CYP4F3: variants seen among roughly 807,000 people sequenced by gnomAD.
The protein encoded by CYP4F3 is cytochrome P450 4F3.
In CYP4F3, 50 loss-of-function variants were observed where a neutral mutation model predicts 54.8. That is an observed-to-expected ratio of 0.91 (90% CI 0.73 to 1.16). CYP4F3 has a LOEUF of 1.16. Among genes scored for constraint, CYP4F3 ranks in the 50% most tolerant of loss-of-function variants. The pLI is 0.00. For missense variants in CYP4F3, 715 were observed against 676.2 expected, an observed-to-expected ratio of 1.06 and a Z score of -0.64; for synonymous variants, 244 against 262.6, an observed-to-expected ratio of 0.93 and a Z score of 0.69.
At chr19:15,658,469 A>T (rs1381009114) in intron 10 of CYP4F3, 22 bp from the exon 11 acceptor site, 1 of 1,613,930 alleles carries the variant, frequency 6.2e-7, no homozygotes, top group East Asian at 2.2e-5. Context: ...CATTGTCCTG[A>T]CTGCCCCCTT....
At position 15,658,564 on chromosome 19, in the gene CYP4F3, C is replaced by T. The variant is rs1973096381; in HGVS notation, c.1314+9C>T. Reference sequence around the variant, plus strand: ...TGTGGCCGGACCCTGAGGTGCGGGCCCCCCGTCTCTGTTTTTGTCCATTCC... The same window carrying T: ...TGTGGCCGGACCCTGAGGTGCGGGCTCCCCGTCTCTGTTTTTGTCCATTCC... On this transcript the variant is annotated intron_variant, in intron 11 of 12. Coordinates refer to ENST00000221307, the MANE Select transcript of CYP4F3 (RefSeq NM_000896.3). 2 of 1,613,982 alleles carry T rather than the reference C, an allele frequency of 1.2e-6. No individual in the cohort carries two copies. The highest frequency in any genetic ancestry group is 1.7e-5 in the Admixed American group (1 of 59,998).
intron 2 of CYP4F3, 58 bp from the exon 3 acceptor site, chr19:15,645,661 A>T: frequency 3.9e-6 from 6 of 1,529,172 alleles, no homozygotes; most frequent in Non-Finnish European, 5.3e-6. Context: ...TTCCCTGCAG[A>T]TCCTTCTCTC....
intron 9 of CYP4F3, among the ~76,000 whole-genome samples, chr19:15,656,211 C>A (rs1240168466): frequency 2.0e-5 from 3 of 151,922 alleles, no homozygotes; most frequent in African/African-American, 4.8e-5. Flanking sequence ...AGCATGAGTT[C>A]CTCCAGGTTC....
At chr19:15,643,132 T>C (rs1972514781) in intron 2 of CYP4F3, among the ~76,000 whole-genome samples, 1 of 115,090 alleles carries the variant, frequency 8.7e-6, no homozygotes, top group Admixed American at 8.8e-5. Flanking sequence ...AAAAGTTAGA[T>C]AGGATGAATA....
intron 9 of CYP4F3, among the ~76,000 whole-genome samples, chr19:15,657,230 A>T (rs894337993): frequency 6.6e-6 from 1 of 152,248 alleles, no homozygotes; most frequent in South Asian, 2.1e-4. Context: ...CATTCCTTAC[A>T]TGCATAGGCA....
In CYP4F3 at chr19:15,645,722, C is replaced by G. The variant is rs1051193836; in HGVS notation, c.202C>G (p.His68Asp). ...NWFLGHLGLI[H>D]SSEEGLLYTQ... ...GGTCCTGTGTCTTTCTCTCCAGATT[C>G]ACAGCTCGGAGGAAGGTCTCCTATA... Residue 68 changes from histidine (H) to aspartate (D), a missense_variant, in exon 3 of 13, where the codon CAC becomes GAC. Physicochemically the swap from His to Asp is moderately conservative, Grantham distance 81. Coordinates refer to ENST00000221307, the MANE Select transcript of CYP4F3 (RefSeq NM_000896.3). 1.1e-5 allele frequency: 17 copies of G among 1,605,832 alleles called. No individual in the cohort carries two copies. Among genetic ancestry groups the G allele is most frequent in the Non-Finnish European group, 1.1e-5 (13 of 1,174,208 alleles).
chr19:15,656,944 A>G (rs1260010290), intron 9 of CYP4F3, among the ~76,000 whole-genome samples: 5 of 151,970 alleles, frequency 3.3e-5, no homozygotes, highest in African/African-American at 1.2e-4. Flanking sequence ...TTTATTCCAT[A>G]TTTTATTCAG....
At position 15,647,204 on chromosome 19, in the gene CYP4F3, G is replaced by T; in HGVS notation, c.405G>T (p.Gly135=). Residue 135 remains glycine (G), a synonymous_variant, in exon 5 of 13, where the codon GGG becomes GGT. Transcript: ENST00000221307. ...YSFLKPWLGD[G]LLLSAGEKWS... ...CCTTGGCTGCCCTGCCAGGGGATGG[G>T]CTCCTGCTGAGTGCTGGTGAAAAGT... The T allele has an allele frequency of 6.2e-7, 1 of 1,614,242 alleles. No individual in the cohort carries two copies. The highest frequency in any genetic ancestry group is 1.1e-5 in the South Asian group (1 of 91,086).
chr19:15,649,515 G>A (rs1335749814), intron 6 of CYP4F3, among the ~76,000 whole-genome samples: 5 of 152,162 alleles, frequency 3.3e-5, no homozygotes, highest in African/African-American at 1.2e-4. Flanking sequence ...CTGTAATGTA[G>A]CACTAAATGG....
intron 5 of CYP4F3, among the ~76,000 whole-genome samples, chr19:15,648,384 A>T (rs1972692399): frequency 1.3e-5 from 2 of 151,794 alleles, no homozygotes; most frequent in South Asian, 4.2e-4. Flanking sequence ...AGGCTTAGGA[A>T]TCTGTTTTTA....
At chr19:15,658,030 T>C (rs1188536562) in intron 9 of CYP4F3, 19 of 847,924 alleles carry the variant, frequency 2.2e-5, no homozygotes, top group Non-Finnish European at 2.7e-5. Context: ...TTACCAAATG[T>C]GAAGTTTTCT....
At chr19:15,645,632 G>T in intron 2 of CYP4F3, 87 bp from the exon 3 acceptor site, 1 of 1,488,486 alleles carries the variant, frequency 6.7e-7, no homozygotes, top group Non-Finnish European at 9.0e-7. Flanking sequence ...GAAATTCTCA[G>T]GGAGAGGGCT....
intron 9 of CYP4F3, among the ~76,000 whole-genome samples, chr19:15,657,472 A>G (rs1973057482): frequency 6.6e-6 from 1 of 152,064 alleles, no homozygotes; most frequent in Non-Finnish European, 1.5e-5. Context: ...TTTTTTTTGT[A>G]GAGATGGGGT....
intron 2 of CYP4F3, chr19:15,643,773 C>A: frequency 8.5e-7 from 1 of 1,179,002 alleles, no homozygotes; most frequent in Non-Finnish European, 1.1e-6. Flanking sequence ...CTCAGTTTAC[C>A]AAATTGAATG....
At chr19:15,658,049 C>T in intron 9 of CYP4F3, 3 of 909,976 alleles carry the variant, frequency 3.3e-6, no homozygotes, top group Non-Finnish European at 3.9e-6. Context: ...CTCTTATTCT[C>T]ATGTCTTTTT....
chr19:15,641,523 C>G lies in CYP4F3; in HGVS notation c.108C>G (p.Ala36=), dbSNP rs1972462836. 6.2e-7 allele frequency: 1 copy of G among 1,614,072 alleles called. No individual in the cohort carries two copies. Among genetic ancestry groups the G allele is most frequent in the African/African-American group, 1.3e-5 (1 of 74,924 alleles). ...CCTGGCTCCTGGCCCGCATCCTGGC[C>G]TGGACCTATACCTTCTATGACAACT... ...GASWLLARIL[A]WTYTFYDNCC... The change falls in exon 2 of 13, where the codon GCC becomes GCG. Residue 36 remains alanine, a synonymous_variant. Transcript: ENST00000221307.
At chr19:15,652,659 G>C (rs752351655) in intron 8 of CYP4F3, 24 bp downstream of exon 8, 1 of 1,614,154 alleles carries the variant, frequency 6.2e-7, no homozygotes, top group East Asian at 2.2e-5. Context: ...TGTGGGGCTA[G>C]AGTGGGGACT....
In CYP4F3 at chr19:15,658,389, T is replaced by C. The variant is rs757037542; in HGVS notation, c.1241T>C (p.Ile414Thr). 1.9e-6 allele frequency: 3 copies of C among 1,613,822 alleles called. No homozygotes were observed. The highest frequency in any genetic ancestry group is 2.2e-5 in the South Asian group (2 of 91,078). ...ATTGTGCTCCCAGACGGCCGGGTCA[T>C]CCCCAAAGGTGCCACAGCCTCAGGG... ...QDIVLPDGRVIPKGIICLISV... is the reference protein window; with the variant it reads ...QDIVLPDGRVTPKGIICLISV... Residue 414 changes from isoleucine to threonine, a missense_variant, in exon 10 of 13, where the codon ATC (isoleucine) becomes ACC (threonine). Transcript: ENST00000221307.
rs1420241070 is a variant in CYP4F3, at chr19:15,650,796, TTTCTCTC to T, written c.918+615_918+621del. Among the ~76,000 whole-genome samples the T allele has an allele frequency of 1.5e-4, 9 of 61,064 alleles. 1 individual carries two copies. The highest frequency in any genetic ancestry group is 7.4e-4 in the East Asian group (1 of 1,360). 40.1% of individuals were successfully genotyped at this position (61,064 alleles called of 152,430 possible). ...CTTTCGTTCTTTCTTTCTTTCTTTC[TTTCTCTC>T]TCTTCTCTTTCTTTCTTTCTTTCTT... On this transcript the variant is annotated intron_variant, in intron 7 of 12. Transcript: ENST00000221307.
Sources: gnomAD v4.1 joint callset for allele counts (sites outside exome capture counted in the v4.1 genomes callset) on GRCh38, gnomAD v4.1.1 for gene constraint, MANE v1.5 for transcripts, NCBI Gene and HGNC (gene_info 2026-07-23, HGNC 2026-07-21) for gene names.